IL22RA1: variants seen among roughly 807,000 people sequenced by gnomAD.
IL22RA1 encodes the protein interleukin-22 receptor subunit alpha-1.
Under a neutral mutation model 32.8 loss-of-function variants are expected in IL22RA1, and 25 were observed. The ratio of observed to expected loss-of-function variants is 0.76; its 90% CI spans 0.55 to 1.06. IL22RA1 has a LOEUF of 1.06. Ranked by LOEUF, IL22RA1 falls within the 50% of genes least tolerant of loss-of-function variation. IL22RA1 has a pLI of 0.00. For missense variants in IL22RA1, 709 were observed against 727.4 expected (o/e 0.97, Z 0.29); for synonymous variants, 305 against 305.0 (o/e 1.00, Z 0.00).
In IL22RA1 at chr1:24,120,873, G is replaced by C. The variant is rs765555847; in HGVS notation, c.1657C>G (p.Leu553Val). 2 of 1,614,222 alleles carry C rather than the reference G, an allele frequency of 1.2e-6. No individual in the cohort carries two copies. The highest frequency in any genetic ancestry group is 2.2e-5 in the South Asian group (2 of 91,080). The change falls in exon 7 of 7, where the codon CTG (leucine) becomes GTG (valine). Residue 553 changes from leucine (L) to valine (V), a missense_variant. Leu to Val is a conservative substitution (Grantham distance 32). Coordinates refer to ENST00000270800, the MANE Select transcript of IL22RA1 (RefSeq NM_021258.4). ...GAATCCAGTTCTGTGGGCTGCTCCAGGTCTGAGGTCTCAGGGGCTGGGCTC... is the reference window on the plus strand; with the variant it reads ...GAATCCAGTTCTGTGGGCTGCTCCACGTCTGAGGTCTCAGGGGCTGGGCTC... ...AKSPAPETSD[L>V]EQPTELDSLF...
intron 5 of IL22RA1, among the ~76,000 whole-genome samples, chr1:24,126,897 G>A (rs59120141): frequency 0.015 from 2,341 of 152,088 alleles, 79 homozygotes; most frequent in African/African-American, 0.053. Flanking sequence ...TAGGCTGGGC[G>A]TGATGGCTCA....
At position 24,143,110 on chromosome 1, in the gene IL22RA1, CCTCTA is replaced by C. The variant is rs1261661346; in HGVS notation, c.-33_-29del. 1.2e-6 allele frequency: 2 copies of C among 1,607,682 alleles called. No homozygotes were observed. The highest frequency in any genetic ancestry group is 8.5e-7 in the Non-Finnish European group (1 of 1,176,740). ...GGGCTGGCACAGAGCCCTCCCTTGGCCTCTACTCTGCCGTGCACAGAGAGAGGGCT... is the reference window on the plus strand; with the variant it reads ...GGGCTGGCACAGAGCCCTCCCTTGGCCTCTGCCGTGCACAGAGAGAGGGCT... On this transcript the variant is annotated 5_prime_UTR_variant, in exon 1 of 7. Coordinates refer to ENST00000270800, the MANE Select transcript of IL22RA1 (RefSeq NM_021258.4).
chr1:24,123,309 T>G lies in IL22RA1; in HGVS notation c.785A>C (p.Asn262Thr). ...RYVTKPPAPP[N>T]SLNVQRVLTF... ...CCTGGGGGGATGGCTCACCAGGGAGTTGGGAGGTGCAGGCGGCTTGGTGAC... is the reference window on the plus strand; with the variant it reads ...CCTGGGGGGATGGCTCACCAGGGAGGTGGGAGGTGCAGGCGGCTTGGTGAC... Residue 262 changes from asparagine to threonine, a missense_variant, in exon 6 of 7, where the codon AAC becomes ACC. Transcript: ENST00000270800. 1 of 1,613,110 alleles carries G rather than the reference T, an allele frequency of 6.2e-7. No homozygotes were observed. The highest frequency in any genetic ancestry group is 8.5e-7 in the Non-Finnish European group (1 of 1,179,592).
At chr1:24,123,120 T>C (rs1040930901) in intron 6 of IL22RA1, among the ~76,000 whole-genome samples, 182 bp downstream of exon 6, 1 of 152,208 alleles carries the variant, frequency 6.6e-6, no homozygotes, top group African/African-American at 2.4e-5. Flanking sequence ...CTTCAATGTG[T>C]CCTGAGACCT....
Position 24,121,460 on chromosome 1 carries a change from G to A in IL22RA1, c.1070C>T (p.Pro357Leu). Residue 357 changes from proline to leucine, a missense_variant, in exon 7 of 7, where the codon CCT becomes CTT. Physicochemically the swap from Pro to Leu is moderately conservative, Grantham distance 98. Transcript: ENST00000270800. ...TGCATAGGATGGGGGCCCGACCTCAGGGGCAGCGTTTGGGGCATAGGACAG... is the reference window on the plus strand; with the variant it reads ...TGCATAGGATGGGGGCCCGACCTCAAGGGCAGCGTTTGGGGCATAGGACAG... ...SPLSYAPNAA[P>L]EVGPPSYAPQ... 1 of 1,545,666 alleles carries A rather than the reference G, an allele frequency of 6.5e-7. No individual in the cohort carries two copies. Among genetic ancestry groups the A allele is most frequent in the Non-Finnish European group, 8.7e-7 (1 of 1,144,048 alleles).
At chr1:24,123,562 A>T in intron 5 of IL22RA1, 139 bp from the exon 6 acceptor site, 1 of 1,488,468 alleles carries the variant, frequency 6.7e-7, no homozygotes, top group Non-Finnish European at 8.9e-7. Flanking sequence ...AGAATGCAAG[A>T]TCACAAATGG....
In IL22RA1 at chr1:24,134,387, C is replaced by T; in HGVS notation, c.356-1G>A. On this transcript the variant is annotated splice_acceptor_variant, in intron 3 of 6. Transcript: ENST00000270800. LOFTEE classifies it high-confidence loss of function. The stretch of plus-strand genomic sequence containing the variant: ...GTCACATCAGGTGGCTTGAGGGTAG[C>T]TGGGGATAGGGAGAGAGAAAAGAGA... 1.3e-6 allele frequency: 2 copies of T among 1,495,290 alleles called. No homozygotes were observed. The highest frequency in any genetic ancestry group is 1.3e-5 in the South Asian group (1 of 75,522). 92.6% of individuals were successfully genotyped at this position (1,495,290 alleles called of 1,614,324 possible). A position where few individuals can be genotyped will look rare whatever the true frequency, so the allele number is the denominator to read the frequency against.
intron 5 of IL22RA1, among the ~76,000 whole-genome samples, chr1:24,127,915 G>C (rs1310084993): frequency 2.0e-5 from 3 of 152,150 alleles, no homozygotes. Flanking sequence ...TGTCAGAGAG[G>C]GGAAATCCAG....
chr1:24,125,121 C>A (rs1423624677), intron 5 of IL22RA1, among the ~76,000 whole-genome samples: 1 of 148,912 alleles, frequency 6.7e-6, no homozygotes, highest in East Asian at 1.9e-4. Context: ...CAGTAGCCAG[C>A]AGTGGTTGAA....
intron 6 of IL22RA1, among the ~76,000 whole-genome samples, chr1:24,122,190 G>A (rs1644129035): frequency 6.6e-6 from 1 of 152,184 alleles, no homozygotes; most frequent in Non-Finnish European, 1.5e-5. Flanking sequence ...TGCACATTGA[G>A]CAAAACTCCC....
At chr1:24,127,934 T>C (rs1489532629) in intron 5 of IL22RA1, among the ~76,000 whole-genome samples, 1 of 152,164 alleles carries the variant, frequency 6.6e-6, no homozygotes, top group Non-Finnish European at 1.5e-5. Flanking sequence ...AGACATAGGC[T>C]GGAGGGTGAG....
rs35401673 is a variant in IL22RA1, at chr1:24,121,311, T to C, written c.1219A>G (p.Met407Val). Residue 407 changes from methionine to valine, a missense_variant, in exon 7 of 7, where the codon ATG (methionine) becomes GTG (valine). By Grantham distance (21) the Met-to-Val change is conservative (BLOSUM62 1). Transcript: ENST00000270800. ...GGGGAGTCTTTGCCAGAACCTTCCA[T>C]GCATACCCCATAGGAGGGAGGCCAG... The part of the protein sequence containing the change: ...DSWPPSYGVC[M>V]EGSGKDSPTG... The C allele has an allele frequency of 3.0e-3, 4,865 of 1,612,856 alleles. 64 individuals carry two copies. In the African/African-American group the frequency reaches 0.034, roughly 11 times the overall value.
chr1:24,123,992 C>T (rs574774538), intron 5 of IL22RA1, among the ~76,000 whole-genome samples: 24 of 152,348 alleles, frequency 1.6e-4, no homozygotes, highest in South Asian at 4.1e-4. Context: ...ACTGCCTAGA[C>T]GGATCACAGG....
intron 2 of IL22RA1, among the ~76,000 whole-genome samples, chr1:24,138,287 A>C (rs1293251779): frequency 6.6e-6 from 1 of 152,186 alleles, no homozygotes; most frequent in African/African-American, 2.4e-5. Context: ...AAGTGCTATC[A>C]TTGTCCTCAC....
In IL22RA1 at chr1:24,121,705, C is replaced by T. The variant is rs1175468479; in HGVS notation, c.825G>A (p.Leu275=). The T allele has an allele frequency of 6.4e-7, 1 of 1,562,468 alleles. No individual in the cohort carries two copies. Among genetic ancestry groups the T allele is most frequent in the African/African-American group, 1.4e-5 (1 of 73,474 alleles). ...TCAGGACGTGCTCCTGGATGAAGCG[C>T]AGCGGCTGGAAAGTCAGGACTCGCT... ...NVQRVLTFQP[L]RFIQEHVLIP... Residue 275 remains leucine, a synonymous_variant, in exon 7 of 7, where the codon CTG becomes CTA. Transcript: ENST00000270800.
At chr1:24,126,582 C>G (rs1045568021) in intron 5 of IL22RA1, among the ~76,000 whole-genome samples, 2 of 152,174 alleles carry the variant, frequency 1.3e-5, no homozygotes, top group East Asian at 3.8e-4. Flanking sequence ...TTCCACTATG[C>G]CACACACAAT....
At chr1:24,134,461 G>T in intron 3 of IL22RA1, 75 bp from the exon 4 acceptor site, 4 of 1,123,138 alleles carry the variant, frequency 3.6e-6, no homozygotes, top group Non-Finnish European at 4.8e-6. Context: ...ACCTTGGACA[G>T]TGGAAAATGA....
rs1484238013 is a variant in IL22RA1 at position 24,120,564 on chromosome 1, C to T, written c.*241G>A. 4.7e-5 allele frequency: 23 copies of T among 484,394 alleles called. No homozygotes were observed. The highest frequency in any genetic ancestry group is 1.9e-4 in the African/African-American group (10 of 52,014). The allele number at this position is 484,394 out of a possible 1,614,324, so 30.0% of individuals were successfully genotyped here. Reference sequence around the variant, plus strand: ...TGCCTTGCAGGGCTCAGCGAGCACGCGCTTGTCTACACAAGCTGCTCCCCA... The same window carrying T: ...TGCCTTGCAGGGCTCAGCGAGCACGTGCTTGTCTACACAAGCTGCTCCCCA... On this transcript the variant is annotated 3_prime_UTR_variant, in exon 7 of 7. Transcript: ENST00000270800.
intron 6 of IL22RA1, among the ~76,000 whole-genome samples, chr1:24,122,941 G>A (rs1391127011): frequency 1.3e-5 from 2 of 152,192 alleles, no homozygotes; most frequent in Non-Finnish European, 2.9e-5. Flanking sequence ...GGTGGTGCCC[G>A]GCTGCCCATT....
Sources: allele counts gnomAD v4.1 joint callset (sites outside exome capture counted in the v4.1 genomes callset), GRCh38; gene constraint gnomAD v4.1.1; transcripts MANE v1.5; gene names NCBI Gene and HGNC (gene_info 2026-07-23, HGNC 2026-07-21).